KIAA1217: variants seen among roughly 807,000 people sequenced by gnomAD.
KIAA1217 encodes the protein KIAA1217.
A neutral mutation model predicts 163.9 loss-of-function variants in KIAA1217; 88 were observed. The ratio of observed to expected loss-of-function variants is 0.54; its 90% CI spans 0.45 to 0.64. KIAA1217 has a LOEUF of 0.64. KIAA1217 is among the 30% of genes least tolerant of loss of function. The pLI is 0.00. For synonymous variants in KIAA1217, 903 were observed against 923.1 expected (o/e 0.98, Z 0.39); for missense variants, 2,372 against 2,475.0 (o/e 0.96, Z 0.88).
At chr10:23,739,983 C>T (rs1393625095) in intron 1 of KIAA1217, among the ~76,000 whole-genome samples, 1 of 152,068 alleles carries the variant, frequency 6.6e-6, no homozygotes, top group African/African-American at 2.4e-5. Context: ...TGAGTTGCCA[C>T]CTTCTGAGCA....
At chr10:24,440,049 T>C (rs904898178) in intron 5 of KIAA1217, among the ~76,000 whole-genome samples, 1 of 152,202 alleles carries the variant, frequency 6.6e-6, no homozygotes, top group Non-Finnish European at 1.5e-5. Flanking sequence ...TGGACTGGAA[T>C]ATGAATGACG....
At chr10:24,389,343 T>C (rs1298018115) in intron 3 of KIAA1217, among the ~76,000 whole-genome samples, 2 of 151,860 alleles carry the variant, frequency 1.3e-5, no homozygotes, top group East Asian at 1.9e-4. Context: ...TAGGTGGGAA[T>C]TGAACAATGA....
intron 2 of KIAA1217, among the ~76,000 whole-genome samples, chr10:24,089,617 ATTATTTCTGAGGGC>A (rs1209481385): frequency 6.6e-6 from 1 of 151,726 alleles, no homozygotes; most frequent in Non-Finnish European, 1.5e-5. Context: ...GATGTGTGGC[ATTATTTCTGAGGGC>A]TCTGTTCTTT....
At chr10:23,856,702 A>T (rs768327747) in intron 1 of KIAA1217, among the ~76,000 whole-genome samples, 4 of 152,210 alleles carry the variant, frequency 2.6e-5, no homozygotes, top group Non-Finnish European at 4.4e-5. Context: ...ACCTAAGCAA[A>T]CCTGGGCAAT....
intron 1 of KIAA1217, among the ~76,000 whole-genome samples, chr10:23,813,859 T>C (rs990018062): frequency 6.6e-6 from 1 of 152,164 alleles, no homozygotes; most frequent in Non-Finnish European, 1.5e-5. Flanking sequence ...TTTCATTATG[T>C]CCTTATCAAC....
chr10:24,030,607 C>A (rs945146832), intron 2 of KIAA1217, among the ~76,000 whole-genome samples: 1 of 152,170 alleles, frequency 6.6e-6, no homozygotes. Context: ...TAATCACCAT[C>A]TGTCTCTGGA....
chr10:24,531,155 T>C (rs761275961), intron 14 of KIAA1217, among the ~76,000 whole-genome samples: 2 of 152,174 alleles, frequency 1.3e-5, no homozygotes, highest in Non-Finnish European at 2.9e-5. Context: ...CAGTGAGCCT[T>C]GATCACACCA....
chr10:23,979,150 A>AGG (rs1311448013), intron 1 of KIAA1217, among the ~76,000 whole-genome samples: 7 of 152,220 alleles, frequency 4.6e-5, no homozygotes, highest in African/African-American at 1.7e-4. Flanking sequence ...ATTATATCAA[A>AGG]TCACTTTGAG....
chr10:24,516,255 G>A (rs1295995843), intron 10 of KIAA1217, among the ~76,000 whole-genome samples: 1 of 152,242 alleles, frequency 6.6e-6, no homozygotes, highest in East Asian at 1.9e-4. Flanking sequence ...GAGCAGTCCA[G>A]TTAGGCAGCA....
intron 1 of KIAA1217, among the ~76,000 whole-genome samples, chr10:23,794,996 A>G (rs1034097370): frequency 2.6e-5 from 4 of 152,182 alleles, no homozygotes; most frequent in African/African-American, 4.8e-5. Context: ...GGGAAGCCCC[A>G]GGGCTTTCTT....
chr10:23,932,907 G>T (rs1396714120), intron 1 of KIAA1217, among the ~76,000 whole-genome samples: 1 of 152,190 alleles, frequency 6.6e-6, no homozygotes, highest in Admixed American at 6.5e-5. Context: ...TGATAAATAT[G>T]AAATTGGAAC....
intron 1 of KIAA1217, among the ~76,000 whole-genome samples, chr10:23,703,036 C>T (rs1310833974): frequency 6.6e-6 from 1 of 152,030 alleles, no homozygotes; most frequent in East Asian, 1.9e-4. Flanking sequence ...GTCCCTCGGG[C>T]TCCTTGATGC....
At chr10:23,720,581 C>T (rs575572409) in intron 1 of KIAA1217, among the ~76,000 whole-genome samples, 1 of 152,200 alleles carries the variant, frequency 6.6e-6, no homozygotes, top group South Asian at 2.1e-4. Flanking sequence ...CTGGGAGGTA[C>T]AGCCTTATAA....
intron 6 of KIAA1217, among the ~76,000 whole-genome samples, chr10:24,489,635 C>T (rs1176756065): frequency 1.3e-5 from 2 of 151,646 alleles, no homozygotes; most frequent in East Asian, 1.9e-4. Context: ...TTTGGGAGGC[C>T]GATCTCGCTT....
chr10:24,138,953 A>T (rs912573262), intron 2 of KIAA1217, among the ~76,000 whole-genome samples: 1 of 152,196 alleles, frequency 6.6e-6, no homozygotes, highest in Non-Finnish European at 1.5e-5. Context: ...TAATTTTTTA[A>T]TAAGGAAAGA....
intron 17 of KIAA1217, among the ~76,000 whole-genome samples, chr10:24,538,413 C>A (rs1341845988): frequency 6.6e-6 from 1 of 152,074 alleles, no homozygotes; most frequent in Non-Finnish European, 1.5e-5. Context: ...CATGGTGGCT[C>A]ACACCTGTAA....
intron 12 of KIAA1217, among the ~76,000 whole-genome samples, chr10:24,523,273 G>T (rs1428435887): frequency 6.6e-6 from 1 of 152,100 alleles, no homozygotes; most frequent in South Asian, 2.1e-4. Flanking sequence ...AGTGGGCTAG[G>T]ATTGAGCCAC....
intron 2 of KIAA1217, among the ~76,000 whole-genome samples, chr10:24,073,266 A>G (rs531571960): frequency 3.9e-5 from 6 of 152,126 alleles, no homozygotes; most frequent in African/African-American, 1.4e-4. Flanking sequence ...GAGGTGAACA[A>G]GGAGAAGGGG....
chr10:24,059,239 G>T (rs1482366028), intron 2 of KIAA1217, among the ~76,000 whole-genome samples: 1 of 151,974 alleles, frequency 6.6e-6, no homozygotes, highest in Admixed American at 6.6e-5. Context: ...ACTTGGTCAT[G>T]GTGTGTGATC....
Sources: allele counts gnomAD v4.1 joint callset (sites outside exome capture counted in the v4.1 genomes callset), GRCh38; gene constraint gnomAD v4.1.1; transcripts MANE v1.5; gene names NCBI Gene and HGNC (gene_info 2026-07-23, HGNC 2026-07-21).